RILPL1: variants seen among roughly 807,000 people sequenced by gnomAD.
The protein encoded by RILPL1 is RILP-like protein 1.
Under a neutral mutation model 50.3 loss-of-function variants are expected in RILPL1, and 33 were observed. The ratio of observed to expected loss-of-function variants is 0.66; its 90% CI spans 0.50 to 0.88. The LOEUF is 0.88. Ranked by LOEUF, RILPL1 falls within the 40% of genes least tolerant of loss-of-function variation. The pLI is 0.00. For synonymous variants in RILPL1, 205 were observed against 228.6 expected (o/e 0.90, Z 0.93); for missense variants, 418 against 542.5 (o/e 0.77, Z 2.28).
chr12:123,476,583 GGA>G (rs1881606118), intron 6 of RILPL1, among the ~76,000 whole-genome samples: 1 of 152,096 alleles, frequency 6.6e-6, no homozygotes, highest in African/African-American at 2.4e-5. Flanking sequence ...TGGCATGTGA[GGA>G]AGGTGGAAGT....
intron 1 of RILPL1, among the ~76,000 whole-genome samples, chr12:123,529,698 G>A (rs1885382671): frequency 1.3e-5 from 2 of 151,774 alleles, no homozygotes; most frequent in South Asian, 4.2e-4. Flanking sequence ...AGACTAGCCT[G>A]GGCAACATAG....
chr12:123,486,883 C>T (rs993119638), intron 4 of RILPL1, among the ~76,000 whole-genome samples: 17 of 151,996 alleles, frequency 1.1e-4, no homozygotes, highest in Admixed American at 2.6e-4. Context: ...ACTGCAAACT[C>T]CACCACCCGG....
Position 123,510,974 on chromosome 12 carries a change from T to C in RILPL1, c.461-11438A>G, listed in dbSNP as rs569716648. 3.5e-3 allele frequency among the ~76,000 whole-genome samples: 511 copies of C among 145,316 alleles called. 1 individual carries two copies. The highest frequency in any genetic ancestry group is 0.013 in the African/African-American group (478 of 36,758). On this transcript the variant is annotated intron_variant, in intron 2 of 6. Coordinates refer to ENST00000376874, the MANE Select transcript of RILPL1 (RefSeq NM_178314.5). ...GTATGTGATGTGTGAGGTCTGTGTG[T>C]GTGTGGTGTGTGTGAGGTCTGTGTG... is the stretch of plus-strand genomic sequence containing the variant.
At chr12:123,525,405 A>C (rs1885214949) in intron 1 of RILPL1, among the ~76,000 whole-genome samples, 2 of 136,922 alleles carry the variant, frequency 1.5e-5, no homozygotes, top group African/African-American at 5.3e-5. Context: ...TTTTTTAGAG[A>C]TGGGGTATTG....
chr12:123,518,486 G>T, intron 2 of RILPL1: 1 of 165,072 alleles, frequency 6.1e-6, no homozygotes, highest in Admixed American at 7.0e-5. Flanking sequence ...CAGCGTTGAA[G>T]ACAGAGACCT....
intron 6 of RILPL1, chr12:123,475,891 C>T: frequency 2.0e-6 from 1 of 500,810 alleles, no homozygotes; most frequent in Non-Finnish European, 3.5e-6. Flanking sequence ...TCTAAATTCA[C>T]TTAAAATTTT....
intron 2 of RILPL1, among the ~76,000 whole-genome samples, chr12:123,503,186 CTTTT>C (rs373514624): frequency 2.2e-4 from 18 of 80,714 alleles, no homozygotes; most frequent in African/African-American, 8.9e-4. Context: ...CACGCCTGGC[CTTTT>C]TTTTTTTTTT....
At chr12:123,525,693 ACT>A (rs1217174848) in intron 1 of RILPL1, among the ~76,000 whole-genome samples, 1 of 89,510 alleles carries the variant, frequency 1.1e-5, no homozygotes, top group African/African-American at 5.2e-5. Flanking sequence ...AGAGTGAGAC[ACT>A]GTCTCAAAAA....
rs980157058 is a variant in RILPL1 at position 123,485,859 on chromosome 12, C to T, written c.802-54G>A. On this transcript the variant is annotated intron_variant, in intron 4 of 6. Coordinates refer to ENST00000376874, the MANE Select transcript of RILPL1 (RefSeq NM_178314.5). The surrounding 1 kb of genome is among the most constrained non-coding windows in gnomAD (Gnocchi z 4.0). ...ATTCTTGGCAGCCACTGCCAGCACC[C>T]ACTCTCTATCCTGAAGGAGCCCAAA... 1 of 1,537,314 alleles carries T rather than the reference C, an allele frequency of 6.5e-7. No homozygotes were observed. The highest frequency in any genetic ancestry group is 8.8e-7 in the Non-Finnish European group (1 of 1,142,826).
chr12:123,472,698 C>G lies in RILPL1; in HGVS notation c.1068-16G>C. 1 of 1,589,178 alleles carries G rather than the reference C, an allele frequency of 6.3e-7. No homozygotes were observed. The highest frequency in any genetic ancestry group is 8.6e-7 in the Non-Finnish European group (1 of 1,167,518). ...GAAGCTAAACCTTTGGAAGGGAAAGCAAACACAGAAATGAGAGCTGACCCT... is the reference window on the plus strand; with the variant it reads ...GAAGCTAAACCTTTGGAAGGGAAAGGAAACACAGAAATGAGAGCTGACCCT... On this transcript the variant is annotated splice_polypyrimidine_tract_variant and intron_variant, in intron 6 of 6. Coordinates refer to ENST00000376874, the MANE Select transcript of RILPL1 (RefSeq NM_178314.5).
chr12:123,499,114 G>A (rs908056024), intron 3 of RILPL1, among the ~76,000 whole-genome samples: 2 of 152,212 alleles, frequency 1.3e-5, no homozygotes, highest in Non-Finnish European at 2.9e-5. Context: ...TGCTCACAGA[G>A]AGGCATGAAG....
intron 2 of RILPL1, among the ~76,000 whole-genome samples, chr12:123,501,155 T>C (rs1463949802): frequency 6.7e-6 from 1 of 150,170 alleles, no homozygotes; most frequent in Non-Finnish European, 1.5e-5. Flanking sequence ...AAATAAAAGA[T>C]GGCCACGCAT....
chr12:123,496,986 C>G (rs1250912664), intron 4 of RILPL1, among the ~76,000 whole-genome samples: 1 of 152,254 alleles, frequency 6.6e-6, no homozygotes, highest in African/African-American at 2.4e-5. Context: ...CACCAGTCTA[C>G]TTTCTGGCTC....
intron 2 of RILPL1, among the ~76,000 whole-genome samples, chr12:123,499,973 C>T (rs372429341): frequency 1.3e-4 from 19 of 151,926 alleles, no homozygotes; most frequent in African/African-American, 4.6e-4. Context: ...GCTCTGTCGC[C>T]CAGGCTGGAG....
intron 4 of RILPL1, among the ~76,000 whole-genome samples, chr12:123,493,022 T>C (rs1882799046): frequency 2.6e-5 from 4 of 152,110 alleles, no homozygotes; most frequent in Admixed American, 6.6e-5. Context: ...GCCCGACACC[T>C]GTAAAGGGTC....
intron 4 of RILPL1, among the ~76,000 whole-genome samples, chr12:123,487,806 T>C (rs1203220100): frequency 6.6e-6 from 1 of 152,248 alleles, no homozygotes; most frequent in Non-Finnish European, 1.5e-5. Flanking sequence ...TGCTGGGTCA[T>C]GGGCTAATTC....
chr12:123,499,402 G>A lies in RILPL1; in HGVS notation c.579+16C>T, dbSNP rs772437882. On this transcript the variant is annotated intron_variant, in intron 3 of 6. Transcript: ENST00000376874. ...TGGCTGGGAGGGTGGACGCAGGTCAGGGGTGTGTCACTCACAGCCTCAACG... is the reference window on the plus strand; with the variant it reads ...TGGCTGGGAGGGTGGACGCAGGTCAAGGGTGTGTCACTCACAGCCTCAACG... 44 of 1,587,344 alleles carry A rather than the reference G, an allele frequency of 2.8e-5. No homozygotes were observed. Among genetic ancestry groups the A allele is most frequent in the Non-Finnish European group, 3.6e-5 (42 of 1,155,740 alleles).
In RILPL1 at chr12:123,472,654, G is replaced by T. The variant is rs368368110; in HGVS notation, c.1096C>A (p.Arg366Ser). 8 of 1,598,740 alleles carry T rather than the reference G, an allele frequency of 5.0e-6. No individual in the cohort carries two copies. Among genetic ancestry groups the T allele is most frequent in the Non-Finnish European group, 6.0e-6 (7 of 1,172,694 alleles). Residue 366 changes from arginine (R) to serine (S), a missense_variant, in exon 7 of 7, where the codon CGC becomes AGC. Transcript: ENST00000376874. The part of the protein sequence containing the change: ...LFSFFSRDKK[R>S]LANTQRNVHI... Reference sequence around the variant, plus strand: ...ACGTTTCTCTGTGTGTTGGCCAGGCGCTTCTTATCTCGGGAGAAGAAGCTA... The same window carrying T: ...ACGTTTCTCTGTGTGTTGGCCAGGCTCTTCTTATCTCGGGAGAAGAAGCTA...
intron 4 of RILPL1, among the ~76,000 whole-genome samples, chr12:123,492,722 T>C (rs1468638304): frequency 6.6e-6 from 1 of 152,190 alleles, no homozygotes; most frequent in Non-Finnish European, 1.5e-5. Context: ...TTTTGTTCTG[T>C]ACTAAGAAAA....
Sources: gnomAD v4.1 joint callset for allele counts (sites outside exome capture counted in the v4.1 genomes callset) on GRCh38, gnomAD v4.1.1 for gene constraint, Gnocchi (gnomAD v3.1) non-coding constraint, MANE v1.5 for transcripts, NCBI Gene and HGNC (gene_info 2026-07-23, HGNC 2026-07-21) for gene names.